GRID2: variants seen among roughly 807,000 people sequenced by gnomAD.
The protein encoded by GRID2 is glutamate receptor ionotropic, delta-2.
A neutral mutation model predicts 114.8 loss-of-function variants in GRID2; 33 were observed. That is an observed-to-expected ratio of 0.29 (90% CI 0.22 to 0.38). GRID2 has a LOEUF of 0.38. Ranked by LOEUF, GRID2 falls within the 10% of genes least tolerant of loss-of-function variation. The probability of loss-of-function intolerance (pLI) is 1.00; values close to 1 mark genes in which losing one functional copy is unlikely to be tolerated. For missense variants in GRID2, 1,184 were observed against 1,257.7 expected (o/e 0.94, Z 0.89); for synonymous variants, 505 against 449.9 (o/e 1.12, Z -1.55).
At chr4:92,321,199 T>C (rs1011793669) in intron 1 of GRID2, among the ~76,000 whole-genome samples, 3 of 152,168 alleles carry the variant, frequency 2.0e-5, no homozygotes, top group Non-Finnish European at 2.9e-5. Flanking sequence ...AGAGATCCCA[T>C]TTAGAACCAA....
chr4:93,417,140 A>G lies in GRID2; in HGVS notation c.1348-5631A>G, dbSNP rs74361285. Reference sequence around the variant, plus strand: ...ATTTATTATTTTCCCTTCTGTCCCTATAAAGGAAGACTCAAAGCCATCTAC... The same window carrying G: ...ATTTATTATTTTCCCTTCTGTCCCTGTAAAGGAAGACTCAAAGCCATCTAC... On this transcript the variant is annotated intron_variant, in intron 9 of 15. Transcript: ENST00000282020. 6.9e-3 allele frequency among the ~76,000 whole-genome samples: 1,056 copies of G among 152,242 alleles called. 11 individuals are homozygous for G. Among genetic ancestry groups the G allele is most frequent in the African/African-American group, 0.024 (1,008 of 41,558 alleles).
intron 3 of GRID2, among the ~76,000 whole-genome samples, chr4:93,086,230 T>C (rs1553984326): frequency 6.6e-6 from 1 of 152,218 alleles, no homozygotes; most frequent in Non-Finnish European, 1.5e-5. Flanking sequence ...GTTCAGTTTT[T>C]ACAGTTTTCT....
chr4:93,726,985 C>T (rs1729971112), intron 14 of GRID2, among the ~76,000 whole-genome samples: 2 of 152,200 alleles, frequency 1.3e-5, no homozygotes, highest in Non-Finnish European at 2.9e-5. Flanking sequence ...ATTTCCTTCT[C>T]CTGCCTGATT....
intron 13 of GRID2, among the ~76,000 whole-genome samples, chr4:93,534,587 G>T (rs1032225564): frequency 3.3e-5 from 5 of 152,030 alleles, no homozygotes; most frequent in African/African-American, 9.7e-5. Flanking sequence ...AAAGATAGAA[G>T]ATTCTCAATA....
At chr4:92,387,872 A>G (rs1314447951) in intron 1 of GRID2, among the ~76,000 whole-genome samples, 6 of 152,058 alleles carry the variant, frequency 3.9e-5, no homozygotes, top group Admixed American at 3.3e-4. Context: ...CAAATTAGCT[A>G]AAGTTCAAAC....
At chr4:92,898,021 G>T (rs1204049875) in intron 2 of GRID2, among the ~76,000 whole-genome samples, 1 of 151,936 alleles carries the variant, frequency 6.6e-6, no homozygotes, top group African/African-American at 2.4e-5. Context: ...TACTTCATCT[G>T]AAAAATTGTA....
At position 93,365,770 on chromosome 4, in the gene GRID2, A is replaced by T. The variant is rs1579833623; in HGVS notation, c.1246-29837A>T. ...GCCTAAAGTTAGGCATAATCAAAGG[A>T]AATATTGTTGCGGGAAGTCAGGGAC... On this transcript the variant is annotated intron_variant, in intron 8 of 15. Coordinates refer to ENST00000282020, the MANE Select transcript of GRID2 (RefSeq NM_001510.4). Among the ~76,000 whole-genome samples the T allele has an allele frequency of 2.0e-5, 3 of 152,290 alleles. 1 individual carries two copies. The highest frequency in any genetic ancestry group is 2.0e-4 in the Admixed American group (3 of 15,280).
rs181625406 is a variant in GRID2, at chr4:93,278,228, C to A, written c.1245+39738C>A. On this transcript the variant is annotated intron_variant, in intron 8 of 15. Transcript: ENST00000282020. ...TTGCTCATGTTAAAAACTGAGAAAA[C>A]CACAGGATAATTTGGCTTTGAAGAA... Among the ~76,000 whole-genome samples the A allele has an allele frequency of 1.3e-3, 196 of 150,782 alleles. No homozygotes were observed. The Middle Eastern group carries it at 0.017, about 13-fold the overall frequency.
intron 2 of GRID2, among the ~76,000 whole-genome samples, chr4:92,758,057 G>A (rs910698310): frequency 6.6e-6 from 1 of 152,050 alleles, no homozygotes; most frequent in African/African-American, 2.4e-5. Flanking sequence ...AAGCAGAGAA[G>A]AAGTGCATGT....
chr4:93,057,847 G>A (rs1271155937), intron 2 of GRID2, among the ~76,000 whole-genome samples: 1 of 151,898 alleles, frequency 6.6e-6, no homozygotes, highest in Non-Finnish European at 1.5e-5. Context: ...AGGTAGGATT[G>A]CTAGGCAATT....
intron 2 of GRID2, among the ~76,000 whole-genome samples, chr4:92,602,260 C>A (rs1053734281): frequency 2.0e-5 from 3 of 149,950 alleles, no homozygotes; most frequent in African/African-American, 7.3e-5. Context: ...AAAGAAAAAG[C>A]TTCAGGCCAG....
At chr4:93,431,626 T>G (rs966507702) in intron 10 of GRID2, among the ~76,000 whole-genome samples, 1 of 152,086 alleles carries the variant, frequency 6.6e-6, no homozygotes, top group Admixed American at 6.6e-5. Flanking sequence ...AACTTGGATG[T>G]GAAAAGGTGA....
chr4:92,785,096 C>A (rs1460590724), intron 2 of GRID2, among the ~76,000 whole-genome samples: 134 of 140,114 alleles, frequency 9.6e-4, no homozygotes, highest in African/African-American at 3.4e-3. Flanking sequence ...TTTTTAACAA[C>A]TGACATAATC....
chr4:93,343,172 G>T (rs6812307), intron 8 of GRID2, among the ~76,000 whole-genome samples: 144 of 20,122 alleles, frequency 7.2e-3, no homozygotes, highest in African/African-American at 0.029. Context: ...GTGTGTGTGT[G>T]TGTGTGTGTA....
chr4:92,833,560 C>T (rs1742260582), intron 2 of GRID2: 1 of 152,084 alleles, frequency 6.6e-6, no homozygotes. Flanking sequence ...ATCATATATG[C>T]CCTACCTAAC....
At chr4:92,646,149 T>G (rs1489669313) in intron 2 of GRID2, among the ~76,000 whole-genome samples, 2 of 15,600 alleles carry the variant, frequency 1.3e-4, no homozygotes, top group African/African-American at 2.9e-4. Context: ...GGGTGGGCTA[T>G]CTCATTGAAG....
At chr4:93,503,254 G>T (rs948858933) in intron 12 of GRID2, among the ~76,000 whole-genome samples, 7 of 152,022 alleles carry the variant, frequency 4.6e-5, no homozygotes, top group African/African-American at 1.7e-4. Context: ...TTTGGCAGAA[G>T]AATATTATTA....
At chr4:93,387,558 G>A (rs191184963) in intron 8 of GRID2, among the ~76,000 whole-genome samples, 29 of 152,178 alleles carry the variant, frequency 1.9e-4, no homozygotes, top group Admixed American at 4.6e-4. Context: ...GGCCAGGCGC[G>A]GTGGCTGATG....
intron 1 of GRID2, among the ~76,000 whole-genome samples, chr4:92,481,223 C>T (rs1165210362): frequency 6.6e-6 from 1 of 151,912 alleles, no homozygotes; most frequent in African/African-American, 2.4e-5. Flanking sequence ...TTTCATATAC[C>T]TTTATAGGCT....
Sources: gnomAD v4.1 joint callset for allele counts (sites outside exome capture counted in the v4.1 genomes callset) on GRCh38, gnomAD v4.1.1 for gene constraint, MANE v1.5 for transcripts, NCBI Gene and HGNC (gene_info 2026-07-23, HGNC 2026-07-21) for gene names.